CSMD1: variants seen among roughly 807,000 people sequenced by gnomAD.
CSMD1 encodes the protein CUB and sushi domain-containing protein 1.
CSMD1 carries 213 observed loss-of-function variants against 417.5 expected under a neutral mutation model. The observed-to-expected ratio is 0.51, with a 90% CI of 0.46 to 0.57. CSMD1 has a LOEUF of 0.57. Among genes scored for constraint, CSMD1 ranks in the 20% least tolerant of loss-of-function variants. CSMD1 has a pLI of 0.00. For missense variants in CSMD1, 6,923 were observed against 4,529.7 expected, an observed-to-expected ratio of 1.53 and a Z score of -15.17; for synonymous variants, 2,862 against 1,736.8, an observed-to-expected ratio of 1.65 and a Z score of -16.11.
At chr8:3,696,528 A>C (rs1041920029) in intron 7 of CSMD1, among the ~76,000 whole-genome samples, 1 of 152,236 alleles carries the variant, frequency 6.6e-6, no homozygotes, top group Non-Finnish European at 1.5e-5. Context: ...AATCAATATA[A>C]TCATTTGGTG....
At chr8:4,181,391 A>G (rs748519242) in intron 3 of CSMD1, among the ~76,000 whole-genome samples, 14 of 151,758 alleles carry the variant, frequency 9.2e-5, no homozygotes, top group Non-Finnish European at 1.9e-4. Flanking sequence ...TGCTTAAACT[A>G]TAAGGCAGGG....
At chr8:3,791,728 C>A (rs538784434) in intron 5 of CSMD1, among the ~76,000 whole-genome samples, 3 of 152,214 alleles carry the variant, frequency 2.0e-5, no homozygotes, top group African/African-American at 4.8e-5. Context: ...GAGGCTGAAG[C>A]AAGAGAATCG....
intron 1 of CSMD1, among the ~76,000 whole-genome samples, chr8:4,736,834 G>C (rs1424017750): frequency 6.6e-6 from 1 of 152,102 alleles, no homozygotes; most frequent in Non-Finnish European, 1.5e-5. Flanking sequence ...TCTGATTTGT[G>C]GGGTAAGAAA....
At chr8:4,714,569 C>G (rs529827830) in intron 1 of CSMD1, among the ~76,000 whole-genome samples, 10 of 152,236 alleles carry the variant, frequency 6.6e-5, no homozygotes, top group African/African-American at 2.4e-4. Context: ...GGAACTTTCC[C>G]AAGTTCATAG....
intron 6 of CSMD1, among the ~76,000 whole-genome samples, chr8:3,716,479 T>C (rs1463973668): frequency 1.3e-5 from 2 of 152,232 alleles, no homozygotes; most frequent in Non-Finnish European, 2.9e-5. Flanking sequence ...AACTTTGTGA[T>C]GCTGCATTCG....
intron 5 of CSMD1, among the ~76,000 whole-genome samples, chr8:3,969,599 T>C (rs1812937405): frequency 6.6e-6 from 1 of 152,224 alleles, no homozygotes; most frequent in South Asian, 2.1e-4. Flanking sequence ...CATTCCATCG[T>C]AACTTGACAT....
chr8:3,740,325 C>A (rs543523943), intron 6 of CSMD1, among the ~76,000 whole-genome samples: 2 of 152,072 alleles, frequency 1.3e-5, no homozygotes, highest in African/African-American at 2.4e-5. Context: ...AGGCTGGTCT[C>A]GAACTCCTTA....
intron 54 of CSMD1, among the ~76,000 whole-genome samples, chr8:2,979,529 C>T (rs940018286): frequency 6.6e-6 from 1 of 152,128 alleles, no homozygotes; most frequent in Admixed American, 6.5e-5. Context: ...CTTTGACCCA[C>T]CCCACCAGTG....
intron 10 of CSMD1, among the ~76,000 whole-genome samples, chr8:3,540,659 C>G (rs1798398864): frequency 6.6e-6 from 1 of 152,034 alleles, no homozygotes; most frequent in Non-Finnish European, 1.5e-5. Context: ...TATCCAGAAT[C>G]TACAAGGAAC....
intron 7 of CSMD1, among the ~76,000 whole-genome samples, chr8:3,655,231 G>C (rs1490450976): frequency 1.3e-5 from 2 of 152,114 alleles, no homozygotes; most frequent in Admixed American, 1.3e-4. Context: ...AAAACGTCAA[G>C]GTTTTGGTTA....
chr8:3,743,736 G>A (rs1334954008), intron 6 of CSMD1, among the ~76,000 whole-genome samples: 2 of 152,084 alleles, frequency 1.3e-5, no homozygotes, highest in Non-Finnish European at 2.9e-5. Flanking sequence ...GTTACTCCCA[G>A]GTGTTTCTGT....
chr8:4,584,767 T>C (rs1799617304), intron 2 of CSMD1, among the ~76,000 whole-genome samples: 1 of 152,108 alleles, frequency 6.6e-6, no homozygotes, highest in Admixed American at 6.5e-5. Flanking sequence ...AAACTTCCTC[T>C]CACCTCTCCT....
chr8:4,575,605 T>C (rs1234613810), intron 2 of CSMD1, among the ~76,000 whole-genome samples: 1 of 152,180 alleles, frequency 6.6e-6, no homozygotes, highest in Non-Finnish European at 1.5e-5. Context: ...TATGATATGG[T>C]AGACATGTGG....
At chr8:4,769,098 A>G (rs1297395790) in intron 1 of CSMD1, among the ~76,000 whole-genome samples, 1 of 152,188 alleles carries the variant, frequency 6.6e-6, no homozygotes. Flanking sequence ...TTGCAGATGG[A>G]CAGATCTGGT....
intron 6 of CSMD1, among the ~76,000 whole-genome samples, chr8:3,743,148 G>C (rs570937125): frequency 1.3e-5 from 2 of 152,306 alleles, no homozygotes; most frequent in Admixed American, 6.5e-5. Flanking sequence ...AAGGTCTTCA[G>C]GCTCCAAAAG....
At chr8:3,202,595 T>C (rs1797047053) in intron 31 of CSMD1, among the ~76,000 whole-genome samples, 1 of 152,218 alleles carries the variant, frequency 6.6e-6, no homozygotes, top group Non-Finnish European at 1.5e-5. Flanking sequence ...GAACAACTAA[T>C]TCTTTTCTTA....
intron 3 of CSMD1, among the ~76,000 whole-genome samples, chr8:4,177,792 C>G (rs1170501485): frequency 1.3e-5 from 2 of 151,672 alleles, no homozygotes. Context: ...TCAGAGAATA[C>G]TACAAACACC....
intron 7 of CSMD1, among the ~76,000 whole-genome samples, chr8:3,648,789 A>G (rs1797702563): frequency 6.6e-6 from 1 of 151,846 alleles, no homozygotes; most frequent in African/African-American, 2.4e-5. Context: ...TTTAAAACCT[A>G]TCTTTACGCG....
chr8:2,993,875 T>G (rs10453152), intron 54 of CSMD1, among the ~76,000 whole-genome samples: 19 of 149,756 alleles, frequency 1.3e-4, no homozygotes, highest in African/African-American at 4.7e-4. Flanking sequence ...GTTCTGAAAG[T>G]AAGAAAACAG....
Sources: allele counts gnomAD v4.1 joint callset (sites outside exome capture counted in the v4.1 genomes callset), GRCh38; gene constraint gnomAD v4.1.1; transcripts MANE v1.5; gene names NCBI Gene and HGNC (gene_info 2026-07-23, HGNC 2026-07-21).